ATP2B2: variants seen among roughly 807,000 people sequenced by gnomAD.
ATP2B2 encodes plasma membrane calcium-transporting ATPase 2.
ATP2B2 carries 15 observed loss-of-function variants against 120.0 expected under a neutral mutation model. That is an observed-to-expected ratio of 0.12 (90% confidence interval 0.08 to 0.19). The LOEUF (loss-of-function observed/expected upper bound fraction) is 0.19. Among genes scored for constraint, ATP2B2 ranks in the 10% least tolerant of loss-of-function variants. The pLI, the probability that ATP2B2 is intolerant of heterozygous loss-of-function variation, is 1.00. For missense variants in ATP2B2, 1,045 were observed against 1,719.8 expected (o/e 0.61, Z 6.94); for synonymous variants, 694 against 700.3 (o/e 0.99, Z 0.14).
intron 1 of ATP2B2, among the ~76,000 whole-genome samples, chr3:10,697,165 T>TC (rs2071753376): frequency 6.6e-6 from 1 of 152,166 alleles, no homozygotes; most frequent in South Asian, 2.1e-4. Context: ...GTGCTTTTTT[T>TC]CCTCTGCATT....
chr3:10,344,298 G>A (rs990301788), intron 18 of ATP2B2, among the ~76,000 whole-genome samples: 1 of 152,246 alleles, frequency 6.6e-6, no homozygotes, highest in African/African-American at 2.4e-5. Context: ...AGTTGCTGGG[G>A]CCGCAGGAGT....
chr3:10,470,688 G>A (rs1297535464), intron 1 of ATP2B2, among the ~76,000 whole-genome samples: 2 of 152,196 alleles, frequency 1.3e-5, no homozygotes, highest in Non-Finnish European at 2.9e-5. Flanking sequence ...TCCTGGGGTT[G>A]TGCCCCTCTG....
chr3:10,641,367 GGA>G lies in ATP2B2; in HGVS notation c.-459-21408_-459-21407del, dbSNP rs2070166640. Reference sequence around the variant, plus strand: ...GGGCTGAGTGGGGACTGCTGCAAATGGAGAGTCTCAAGTCTCATCTCACATGG... The same window carrying G: ...GGGCTGAGTGGGGACTGCTGCAAATGGAGTCTCAAGTCTCATCTCACATGG... On this transcript the variant is annotated intron_variant, in intron 1 of 21. Coordinates refer to the ATP2B2 transcript ENST00000646379. Among the ~76,000 whole-genome samples the G allele has an allele frequency of 3.9e-5, 6 of 152,282 alleles. No individual in the cohort carries two copies. The South Asian group carries it at 1.2e-3, about 32-fold the overall frequency.
intron 2 of ATP2B2, among the ~76,000 whole-genome samples, chr3:10,422,237 T>C (rs192407432): frequency 2.1e-4 from 32 of 152,336 alleles, no homozygotes; most frequent in African/African-American, 6.7e-4. Flanking sequence ...GGTGGCCACG[T>C]GCCCCCTGTA....
chr3:10,564,998 AAT>A (rs1480329107), intron 2 of ATP2B2, among the ~76,000 whole-genome samples: 1 of 152,172 alleles, frequency 6.6e-6, no homozygotes, highest in African/African-American at 2.4e-5. Flanking sequence ...GAGTAGAAAT[AAT>A]ATGTGTCACT....
chr3:10,432,146 C>G lies in ATP2B2; in HGVS notation c.199+17199G>C, dbSNP rs557271711. Among the ~76,000 whole-genome samples the G allele has an allele frequency of 2.6e-5, 4 of 152,364 alleles. No homozygotes were observed. In the South Asian group the frequency reaches 8.3e-4, roughly 32 times the overall value. ...GAGCCAGGCAGGCGCTGGTTTGGATCTCACCTCTGTCACCTGTCAGTGCAT... is the reference window on the plus strand; with the variant it reads ...GAGCCAGGCAGGCGCTGGTTTGGATGTCACCTCTGTCACCTGTCAGTGCAT... On this transcript the variant is annotated intron_variant, in intron 2 of 22. Coordinates refer to ENST00000360273, the MANE Select transcript of ATP2B2 (RefSeq NM_001001331.4).
chr3:10,499,815 G>C (rs1208518649), intron 1 of ATP2B2, among the ~76,000 whole-genome samples: 1 of 152,152 alleles, frequency 6.6e-6, no homozygotes, highest in African/African-American at 2.4e-5. Context: ...TGGGCCCTAA[G>C]GGGTCTCTGG....
At chr3:10,663,129 T>C (rs59921797) in intron 1 of ATP2B2, among the ~76,000 whole-genome samples, 31,236 of 146,566 alleles carry the variant, frequency 0.21, 5,745 homozygotes, top group African/African-American at 0.49. Context: ...CATTAGGAGA[T>C]ATACCTAATG....
At chr3:10,593,229 C>T (rs555301215) in intron 2 of ATP2B2, among the ~76,000 whole-genome samples, 24 of 152,302 alleles carry the variant, frequency 1.6e-4, no homozygotes, top group African/African-American at 5.8e-4. Context: ...CATAAGTCTC[C>T]ATTGGGCACT....
At chr3:10,681,394 T>C (rs2071379883) in intron 1 of ATP2B2, among the ~76,000 whole-genome samples, 1 of 152,180 alleles carries the variant, frequency 6.6e-6, no homozygotes, top group African/African-American at 2.4e-5. Context: ...TCCAAAGTGC[T>C]GTCATGTCCC....
chr3:10,371,218 T>G (rs1468086853), intron 12 of ATP2B2, among the ~76,000 whole-genome samples: 1 of 152,236 alleles, frequency 6.6e-6, no homozygotes, highest in Non-Finnish European at 1.5e-5. Flanking sequence ...CTTGCACACT[T>G]CTGTCCTCTC....
chr3:10,486,663 C>T (rs982377038), intron 1 of ATP2B2, among the ~76,000 whole-genome samples: 7 of 152,142 alleles, frequency 4.6e-5, no homozygotes, highest in African/African-American at 1.4e-4. Context: ...GGAGCCCCTT[C>T]GATTCTCACT....
intron 8 of ATP2B2, among the ~76,000 whole-genome samples, chr3:10,380,701 G>A (rs2061508247): frequency 6.6e-6 from 1 of 152,192 alleles, no homozygotes; most frequent in African/African-American, 2.4e-5. Context: ...CCAGGGGAGG[G>A]AAGTTGAGGT....
At chr3:10,523,852 AAAAAT>A (rs1199207241) in intron 3 of ATP2B2, among the ~76,000 whole-genome samples, 1 of 152,026 alleles carries the variant, frequency 6.6e-6, no homozygotes, top group Non-Finnish European at 1.5e-5. Flanking sequence ...AGAAAAAAAA[AAAAAT>A]AAAAGAAAGT....
At chr3:10,365,840 ATGGGTGGTG>A (rs2061036877) in intron 12 of ATP2B2, among the ~76,000 whole-genome samples, 2 of 374 alleles carry the variant, frequency 5.3e-3, no homozygotes, top group Admixed American at 0.023. Flanking sequence ...TATGTGCATG[ATGGGTGGTG>A]TATGTGTGGT....
intron 22 of ATP2B2, among the ~76,000 whole-genome samples, chr3:10,336,509 G>A (rs978811622): frequency 1.8e-4 from 27 of 152,328 alleles, no homozygotes; most frequent in East Asian, 5.8e-4. Flanking sequence ...GTCCCCGGGA[G>A]GACACAGGGG....
intron 2 of ATP2B2, among the ~76,000 whole-genome samples, chr3:10,583,781 G>A (rs1388331286): frequency 3.9e-5 from 6 of 152,156 alleles, no homozygotes; most frequent in African/African-American, 9.7e-5. Context: ...TCTGACTGCC[G>A]GTTGCACCCT....
chr3:10,507,576 T>C (rs1486783555), upstream of ATP2B2, among the ~76,000 whole-genome samples: 2 of 152,174 alleles, frequency 1.3e-5, no homozygotes, highest in Non-Finnish European at 2.9e-5. Context: ...CCAGCCTACA[T>C]GTCTGTGCCA....
chr3:10,363,044 G>A (rs2060945841), intron 12 of ATP2B2, among the ~76,000 whole-genome samples: 2 of 152,158 alleles, frequency 1.3e-5, no homozygotes, highest in South Asian at 4.1e-4. Context: ...GCCCAAGAGA[G>A]CTGAGCAGTC....
Sources: gnomAD v4.1 joint callset for allele counts (sites outside exome capture counted in the v4.1 genomes callset) on GRCh38, gnomAD v4.1.1 for gene constraint, MANE v1.5 for transcripts, NCBI Gene and HGNC (gene_info 2026-07-23, HGNC 2026-07-21) for gene names.